LAMA2: variants seen among roughly 807,000 people sequenced by gnomAD.
The protein encoded by LAMA2 is laminin subunit alpha 2.
LAMA2 carries 269 observed loss-of-function variants against 364.8 expected under a neutral mutation model. That is an observed-to-expected ratio of 0.74 (90% CI 0.67 to 0.82). The LOEUF is 0.82. LAMA2 is among the 40% of genes least tolerant of loss of function. LAMA2 has a pLI of 0.00. For synonymous variants in LAMA2, 1,379 were observed against 1,370.6 expected, an observed-to-expected ratio of 1.01 and a Z score of -0.14; for missense variants, 3,807 against 3,873.2, an observed-to-expected ratio of 0.98 and a Z score of 0.45.
chr6:129,292,252 G>A (rs769345254), intron 20 of LAMA2, among the ~76,000 whole-genome samples: 19 of 152,124 alleles, frequency 1.2e-4, no homozygotes, highest in African/African-American at 2.7e-4. Context: ...AGGCTGAGGC[G>A]GGAGAATCGC....
At chr6:129,158,460 C>A in intron 8 of LAMA2, 3 of 1,613,908 alleles carry the variant, frequency 1.9e-6, no homozygotes, top group Non-Finnish European at 2.5e-6. Context: ...TAAAGGTAGT[C>A]CAGACCCACT....
intron 12 of LAMA2, among the ~76,000 whole-genome samples, chr6:129,221,942 CAG>C (rs889729356): frequency 2.6e-5 from 4 of 152,324 alleles, no homozygotes; most frequent in African/African-American, 9.6e-5. Context: ...GATAGGTTCT[CAG>C]ATGATCACAG....
intron 29 of LAMA2, among the ~76,000 whole-genome samples, chr6:129,336,299 A>C (rs1775953716): frequency 1.3e-5 from 2 of 152,180 alleles, no homozygotes; most frequent in Non-Finnish European, 2.9e-5. Flanking sequence ...TTAAAAATTA[A>C]AAAAAAGAAT....
At chr6:129,063,275 A>G (rs1789058727) in intron 3 of LAMA2, among the ~76,000 whole-genome samples, 1 of 152,180 alleles carries the variant, frequency 6.6e-6, no homozygotes, top group South Asian at 2.1e-4. Flanking sequence ...ACGTGTATAT[A>G]AAAACTCAAT....
At chr6:129,464,076 T>C (rs1312403186) in intron 49 of LAMA2, among the ~76,000 whole-genome samples, 1 of 151,908 alleles carries the variant, frequency 6.6e-6, no homozygotes, top group East Asian at 1.9e-4. Context: ...ACTAATGACT[T>C]AGTTATTGCA....
intron 32 of LAMA2, among the ~76,000 whole-genome samples, chr6:129,353,862 A>G (rs924269458): frequency 1.3e-5 from 2 of 152,206 alleles, no homozygotes; most frequent in African/African-American, 4.8e-5. Flanking sequence ...CGTAAGCAGT[A>G]ACAATGAAGT....
At chr6:128,968,227 C>T (rs1483414760) in intron 1 of LAMA2, among the ~76,000 whole-genome samples, 1 of 152,130 alleles carries the variant, frequency 6.6e-6, no homozygotes, top group Non-Finnish European at 1.5e-5. Flanking sequence ...TGTAACCATC[C>T]GTTCTGGGGA....
intron 1 of LAMA2, among the ~76,000 whole-genome samples, chr6:128,946,271 C>G (rs907385088): frequency 2.0e-5 from 3 of 152,150 alleles, no homozygotes; most frequent in Non-Finnish European, 1.5e-5. Flanking sequence ...ATTTAATACA[C>G]CTAACCTACT....
chr6:128,925,817 A>AT (rs550034051), intron 1 of LAMA2, among the ~76,000 whole-genome samples: 4,197 of 150,606 alleles, frequency 0.028, 165 homozygotes, highest in African/African-American at 0.086. Flanking sequence ...TCTTTGATTC[A>AT]TTTTTTTTTC....
chr6:129,174,035 C>G (rs763503267), intron 9 of LAMA2, among the ~76,000 whole-genome samples: 8 of 152,000 alleles, frequency 5.3e-5, no homozygotes, highest in Non-Finnish European at 1.0e-4. Flanking sequence ...AGTGCACAAA[C>G]TTCAAAAATT....
intron 32 of LAMA2, among the ~76,000 whole-genome samples, chr6:129,359,119 G>A (rs1392164190): frequency 6.6e-6 from 1 of 151,740 alleles, no homozygotes; most frequent in Non-Finnish European, 1.5e-5. Context: ...TGACTGTTGT[G>A]TAGATAAAAA....
intron 40 of LAMA2, among the ~76,000 whole-genome samples, chr6:129,413,398 CAGATTTTAA>C (rs1334616749): frequency 6.6e-6 from 1 of 152,024 alleles, no homozygotes. Context: ...CAAAGAGACA[CAGATTTTAA>C]AAGTACCTTA....
chr6:129,226,536 A>C (rs1289239974), intron 12 of LAMA2, among the ~76,000 whole-genome samples: 1 of 152,014 alleles, frequency 6.6e-6, no homozygotes, highest in Admixed American at 6.6e-5. Flanking sequence ...GGTGGTGACA[A>C]AATCTCTCAG....
At chr6:129,488,256 G>A (rs548566927) in intron 56 of LAMA2, among the ~76,000 whole-genome samples, 2 of 152,230 alleles carry the variant, frequency 1.3e-5, no homozygotes, top group East Asian at 3.9e-4. Flanking sequence ...GTTTCAGTGA[G>A]CCGAGATCGC....
intron 8 of LAMA2, chr6:129,158,335 A>G: frequency 6.2e-7 from 1 of 1,613,936 alleles, no homozygotes; most frequent in Non-Finnish European, 8.5e-7. Flanking sequence ...GTGGTAAAGA[A>G]TACTTTCACC....
chr6:129,424,165 A>T (rs142291771), intron 40 of LAMA2, among the ~76,000 whole-genome samples: 19 of 152,194 alleles, frequency 1.2e-4, no homozygotes, highest in African/African-American at 4.6e-4. Flanking sequence ...AATATCCATG[A>T]ACAACAACAA....
At chr6:129,313,434 T>C (rs1188718734) in intron 23 of LAMA2, among the ~76,000 whole-genome samples, 1 of 152,184 alleles carries the variant, frequency 6.6e-6, no homozygotes, top group East Asian at 1.9e-4. Flanking sequence ...ACAGTTCTTT[T>C]AAGCATCATC....
intron 64 of LAMA2, 84 bp from the exon 65 acceptor site, chr6:129,516,106 A>G: frequency 7.0e-7 from 1 of 1,435,836 alleles, no homozygotes; most frequent in Non-Finnish European, 9.8e-7. Context: ...TTTAATCTCA[A>G]GCTAACAGTT....
intron 12 of LAMA2, among the ~76,000 whole-genome samples, chr6:129,207,781 C>T (rs1224226370): frequency 6.9e-6 from 1 of 144,088 alleles, no homozygotes; most frequent in Non-Finnish European, 1.5e-5. Context: ...CCCAAAAATA[C>T]CCCTGAGAAA....
Sources: gnomAD v4.1 joint callset for allele counts (sites outside exome capture counted in the v4.1 genomes callset) on GRCh38, gnomAD v4.1.1 for gene constraint, MANE v1.5 for transcripts, NCBI Gene and HGNC (gene_info 2026-07-23, HGNC 2026-07-21) for gene names.